Variants in CHST8 observed in about 807,000 individuals in gnomAD.
CHST8 encodes the protein GALNAC-4-ST1.
In CHST8, 10 loss-of-function variants were observed where a neutral mutation model predicts 15.0. The observed-to-expected ratio is 0.67, with a 90% CI of 0.41 to 1.13. CHST8 has a LOEUF of 1.13. Ranked by LOEUF, CHST8 falls within the 50% of genes most tolerant of loss-of-function variation. The pLI, the probability that CHST8 is intolerant of heterozygous loss-of-function variation, is 0.00. For synonymous variants in CHST8, 259 were observed against 256.6 expected (o/e 1.01, Z -0.09); for missense variants, 634 against 608.2 (o/e 1.04, Z -0.45).
intron 1 of CHST8, among the ~76,000 whole-genome samples, chr19:33,634,607 C>T (rs1261046320): frequency 2.7e-5 from 4 of 146,630 alleles, no homozygotes; most frequent in Non-Finnish European, 5.9e-5. Context: ...GGCCCAGCCC[C>T]GGACTCATCA....
chr19:33,772,932 C>A lies in CHST8; in HGVS notation c.1144C>A (p.Arg382=). The change falls in exon 5 of 5, where the codon CGG becomes AGG. Residue 382 remains arginine, a synonymous_variant. Transcript: ENST00000650847. ...CAAGGACCGGCACTCGCAGGAGGCG[C>A]GGACCACAGCGAGGATCGCCCACCA... ...RFKDRHSQEA[R]TTARIAHQYF... 3.1e-6 allele frequency: 5 copies of A among 1,613,462 alleles called. No homozygotes were observed. The highest frequency in any genetic ancestry group is 4.2e-6 in the Non-Finnish European group (5 of 1,180,036).
intron 3 of CHST8, among the ~76,000 whole-genome samples, chr19:33,696,476 A>G (rs1248511766): frequency 6.6e-6 from 1 of 152,158 alleles, no homozygotes; most frequent in Non-Finnish European, 1.5e-5. Flanking sequence ...CAAGGGATCT[A>G]GGTTGTGCGC....
intron 3 of CHST8, among the ~76,000 whole-genome samples, chr19:33,754,415 G>C (rs1974503448): frequency 6.6e-6 from 1 of 152,056 alleles, no homozygotes; most frequent in Non-Finnish European, 1.5e-5. Flanking sequence ...CTCTCTAGAA[G>C]AAGCACACCA....
At chr19:33,659,443 T>C (rs2145219862) in intron 1 of CHST8, among the ~76,000 whole-genome samples, 1 of 152,326 alleles carries the variant, frequency 6.6e-6, no homozygotes, top group East Asian at 1.9e-4. Context: ...AAGTAAACTA[T>C]ATTCTGTTTG....
At chr19:33,657,418 A>G (rs1272137133) in intron 1 of CHST8, among the ~76,000 whole-genome samples, 1 of 151,728 alleles carries the variant, frequency 6.6e-6, no homozygotes, top group African/African-American at 2.4e-5. Context: ...ACAGGCACAC[A>G]CCACCACGCC....
At chr19:33,733,067 C>T (rs1974022251) in intron 3 of CHST8, among the ~76,000 whole-genome samples, 1 of 152,140 alleles carries the variant, frequency 6.6e-6, no homozygotes, top group South Asian at 2.1e-4. Flanking sequence ...CCCCTCCTCT[C>T]TTCAAGTGGT....
At chr19:33,663,667 T>C (rs1342431074) in intron 1 of CHST8, among the ~76,000 whole-genome samples, 1 of 152,134 alleles carries the variant, frequency 6.6e-6, no homozygotes, top group African/African-American at 2.4e-5. Context: ...GGCCAGGAGT[T>C]CGAGACCATC....
intron 3 of CHST8, among the ~76,000 whole-genome samples, chr19:33,761,282 C>T (rs915068279): frequency 6.6e-6 from 1 of 152,074 alleles, no homozygotes; most frequent in Non-Finnish European, 1.5e-5. Context: ...GCAGGAGGAT[C>T]GCTTGAGGCC....
In CHST8 at chr19:33,668,243, T is replaced by A. The variant is rs1972688302; in HGVS notation, c.-87+400T>A. Among the ~76,000 whole-genome samples the A allele has an allele frequency of 2.0e-5, 3 of 152,250 alleles. No homozygotes were observed. In the South Asian group the frequency reaches 6.2e-4, roughly 32 times the overall value. ...AAGGGAATTAACTAAATTGCATCTG[T>A]GTGATTGTTGCCAGGGGGTGGAGGC... On this transcript the variant is annotated intron_variant, in intron 2 of 4. Coordinates refer to ENST00000650847, the MANE Select transcript of CHST8 (RefSeq NM_001127895.2).
Position 33,749,381 on chromosome 19 carries a change from C to A in CHST8, c.131-22032C>A, listed in dbSNP as rs377243154. On this transcript the variant is annotated intron_variant, in intron 3 of 4. Coordinates refer to ENST00000650847, the MANE Select transcript of CHST8 (RefSeq NM_001127895.2). ...CTTTCTCCCACCAGCCACCCACCAT[C>A]CTCCTACCATCCCCCCTCCATCCTC... Among the ~76,000 whole-genome samples, 11 of 148,174 alleles carry A rather than the reference C, an allele frequency of 7.4e-5. No individual in the cohort carries two copies. The East Asian group carries it at 2.0e-3, about 26-fold the overall frequency.
chr19:33,704,076 C>G (rs1050871480), intron 3 of CHST8, among the ~76,000 whole-genome samples: 2 of 152,136 alleles, frequency 1.3e-5, no homozygotes, highest in Admixed American at 1.3e-4. Flanking sequence ...TCAGCCCTCC[C>G]CAAAAGGCCT....
chr19:33,675,600 C>T (rs1243477584), intron 2 of CHST8, among the ~76,000 whole-genome samples: 1 of 152,244 alleles, frequency 6.6e-6, no homozygotes, highest in Admixed American at 6.5e-5. Flanking sequence ...GAGCTGGTTT[C>T]CTGGCAACAC....
At position 33,623,048 on chromosome 19, in the gene CHST8, G is replaced by C. The variant is rs1462637940; in HGVS notation, c.-164+752G>C. On this transcript the variant is annotated intron_variant, in intron 1 of 4. Transcript: ENST00000650847. ...CCCGCTCTGGCCTCGCTGGAGGCCA[G>C]CCGGGCCAGGAGGGCGATCACGGGT... is the stretch of plus-strand genomic sequence containing the variant. Among the ~76,000 whole-genome samples, 3 of 152,200 alleles carry C rather than the reference G, an allele frequency of 2.0e-5. No individual in the cohort carries two copies. In the East Asian group the frequency reaches 5.8e-4, roughly 29 times the overall value.
In CHST8 at chr19:33,772,305, C is replaced by A. The variant is rs1975007646; in HGVS notation, c.517C>A (p.Arg173Ser). The change falls in exon 5 of 5, where the codon CGC becomes AGC. Residue 173 changes from arginine (R) to serine (S), a missense_variant. Coordinates refer to ENST00000650847, the MANE Select transcript of CHST8 (RefSeq NM_001127895.2). Reference sequence around the variant, plus strand: ...CGCCAAGTACCGGGCGAGCAGCAGCCGCCGGGCCGTCACGCCCCGCCACGT... The same window carrying A: ...CGCCAAGTACCGGGCGAGCAGCAGCAGCCGGGCCGTCACGCCCCGCCACGT... ...ACAKYRASSSRRAVTPRHVSR... is the reference protein window; with the variant it reads ...ACAKYRASSSSRAVTPRHVSR... 6.2e-7 allele frequency: 1 copy of A among 1,602,810 alleles called. No individual in the cohort carries two copies. Among genetic ancestry groups the A allele is most frequent in the Non-Finnish European group, 8.5e-7 (1 of 1,178,824 alleles).
At chr19:33,760,050 G>A (rs2145376164) in intron 3 of CHST8, among the ~76,000 whole-genome samples, 1 of 152,088 alleles carries the variant, frequency 6.6e-6, no homozygotes, top group East Asian at 1.9e-4. Context: ...TCATCCCCTG[G>A]GTCCAGGCCT....
chr19:33,683,178 C>G (rs368667177), intron 2 of CHST8, among the ~76,000 whole-genome samples: 2 of 152,230 alleles, frequency 1.3e-5, no homozygotes, highest in East Asian at 3.8e-4. Context: ...GACCCCACCT[C>G]CAACACTGGA....
intron 2 of CHST8, among the ~76,000 whole-genome samples, chr19:33,682,187 G>GGT (rs1972901450): frequency 2.1e-5 from 2 of 95,292 alleles, no homozygotes; most frequent in African/African-American, 8.4e-5. Flanking sequence ...TTTTGTTGTT[G>GGT]TTTTTTTTTT....
At chr19:33,769,654 G>A (rs1281408282) in intron 3 of CHST8, among the ~76,000 whole-genome samples, 1 of 151,968 alleles carries the variant, frequency 6.6e-6, no homozygotes, top group Non-Finnish European at 1.5e-5. Flanking sequence ...GGCAGGGGGT[G>A]GCAATGAGCA....
intron 1 of CHST8, among the ~76,000 whole-genome samples, chr19:33,643,198 C>A (rs750984108): frequency 6.6e-6 from 1 of 152,102 alleles, no homozygotes. Flanking sequence ...GGTGCGTGAG[C>A]GGGCCTATTT....
Sources: gnomAD v4.1 joint callset for allele counts (sites outside exome capture counted in the v4.1 genomes callset) on GRCh38, gnomAD v4.1.1 for gene constraint, MANE v1.5 for transcripts, NCBI Gene and HGNC (gene_info 2026-07-23, HGNC 2026-07-21) for gene names.